The following INTS2 variants were observed in gnomAD, a reference collection of about 807,000 sequenced individuals.
INTS2 encodes integrator complex subunit 2.
In INTS2, 57 loss-of-function variants were observed where a neutral mutation model predicts 139.6. The observed-to-expected ratio is 0.41, with a 90% CI of 0.33 to 0.51. The LOEUF is 0.51. Among genes scored for constraint, INTS2 ranks in the 20% least tolerant of loss-of-function variants. INTS2 has a pLI of 0.28. For synonymous variants in INTS2, 473 were observed against 493.4 expected, an observed-to-expected ratio of 0.96 and a Z score of 0.55; for missense variants, 1,196 against 1,436.7, an observed-to-expected ratio of 0.83 and a Z score of 2.71.
chr17:61,879,099 T>TTTTTC (rs2079154410), intron 17 of INTS2, among the ~76,000 whole-genome samples: 1 of 137,304 alleles, frequency 7.3e-6, no homozygotes, highest in Non-Finnish European at 1.5e-5. Context: ...TTTTTTTTTT[T>TTTTTC]TCCCTCTTGC....
Position 61,893,785 on chromosome 17 carries a change from T to A in INTS2, c.1678A>T (p.Lys560Ter), listed in dbSNP as rs1390153131. Residue 560 changes from lysine to a stop codon, truncating the protein, a stop_gained, in exon 13 of 25, where the codon AAG becomes TAG. Transcript: ENST00000251334. LOFTEE classifies it high-confidence loss of function. This position sits in a 1 kb window ranked among gnomAD's most constrained non-coding sequence, Gnocchi z 5.4. ...YQLLRSRSFT[K>*]HKVSIKDWIY... ...CATACTTTTATTGACACTTTGTGCT[T>A]GGTAAAGGAACGGCTCCTGAGAAGC... 2 of 1,588,622 alleles carry A rather than the reference T, an allele frequency of 1.3e-6. No homozygotes were observed. The highest frequency in any genetic ancestry group is 3.5e-5 in the Admixed American group (2 of 57,868).
In INTS2 at chr17:61,909,159, T is replaced by C. The variant is rs1200195213; in HGVS notation, c.955-1525A>G. 6.6e-6 allele frequency among the ~76,000 whole-genome samples: 1 copy of C among 152,190 alleles called. No homozygotes were observed. Among genetic ancestry groups the C allele is most frequent in the African/African-American group, 2.4e-5 (1 of 41,454 alleles). Reference sequence around the variant, plus strand: ...ACCGAGTCCTGCTCTGTCACCAGGCTGGAGTGCAGTGGCGTGATCTCGGCT... The same window carrying C: ...ACCGAGTCCTGCTCTGTCACCAGGCCGGAGTGCAGTGGCGTGATCTCGGCT... On this transcript the variant is annotated intron_variant, in intron 7 of 24. Coordinates refer to ENST00000251334, the MANE Select transcript of INTS2 (RefSeq NM_001351695.2). This position sits in a 1 kb window ranked among gnomAD's most constrained non-coding sequence, Gnocchi z 4.9.
Position 61,893,992 on chromosome 17 carries a change from A to C in INTS2, c.1564-93T>G. 1.4e-6 allele frequency: 1 copy of C among 710,188 alleles called. No individual in the cohort carries two copies. The highest frequency in any genetic ancestry group is 2.9e-5 in the South Asian group (1 of 34,314). The allele number at this position is 710,188 out of a possible 1,614,324, so 44.0% of individuals were successfully genotyped here. ...AGTAAGTAGACTGTCAACACCTAAT[A>C]CAAGTGTGGTCCCTAGAAATGAATG... On this transcript the variant is annotated intron_variant, in intron 12 of 24. Coordinates refer to ENST00000251334, the MANE Select transcript of INTS2 (RefSeq NM_001351695.2). This position sits in a 1 kb window ranked among gnomAD's most constrained non-coding sequence, Gnocchi z 5.4.
chr17:61,927,414 GA>G, intron 1 of INTS2: 1 of 161,696 alleles, frequency 6.2e-6, no homozygotes, highest in South Asian at 1.6e-4. Context: ...TCTCAAGGCC[GA>G]CCGACTAGCA....
chr17:61,869,780 A>G lies in INTS2; in HGVS notation c.2987T>C (p.Met996Thr), dbSNP rs766113135. 3.7e-6 allele frequency: 6 copies of G among 1,613,780 alleles called. No homozygotes were observed. The Admixed American group carries it at 8.3e-5, about 22-fold the overall frequency. ...QCLICCLLHQ[M>T]YIADPNIAKL... ...AGCAATGTTGGGATCTGCAATGTAC[A>G]TTTGGTGCAAGAGACAACAGATAAG... The change falls in exon 21 of 25, where the codon ATG becomes ACG. Residue 996 changes from methionine (M) to threonine (T), a missense_variant. Met to Thr is a moderately conservative substitution (Grantham distance 81). Around this residue, in one of 3 missense-constraint regions of INTS2, gnomAD observed 1,129 missense variants for 1,341.9 expected, o/e 0.84. Coordinates refer to ENST00000251334, the MANE Select transcript of INTS2 (RefSeq NM_001351695.2). This position sits in a 1 kb window ranked among gnomAD's most constrained non-coding sequence, Gnocchi z 5.4.
At chr17:61,922,333 T>C (rs1603384313) in intron 3 of INTS2, among the ~76,000 whole-genome samples, 1 of 142,018 alleles carries the variant, frequency 7.0e-6, no homozygotes, top group African/African-American at 3.0e-5. Flanking sequence ...TAGCCAAGCA[T>C]GGTGGCCATC....
intron 16 of INTS2, among the ~76,000 whole-genome samples, chr17:61,883,164 TA>T (rs1423940582): frequency 2.0e-5 from 3 of 152,188 alleles, no homozygotes; most frequent in Admixed American, 1.3e-4. Flanking sequence ...CTCTTTTCAA[TA>T]AAGTATATCA....
intron 7 of INTS2, chr17:61,910,709 T>C (rs2079517943): frequency 6.6e-6 from 1 of 152,168 alleles, no homozygotes; most frequent in African/African-American, 2.4e-5. Context: ...AAATTTTATG[T>C]TATGTATATT....
chr17:61,884,917 C>T lies in INTS2; in HGVS notation c.2073G>A (p.Leu691=). ...AAAACATACCTCCCAACTCCTGCTG[C>T]AGCCCTTGAGCCTGTCGAATAAGGA... ...IKFLIRQAQG[L]QQELGGLHSA... The change falls in exon 16 of 25, where the codon CTG becomes CTA. Residue 691 remains leucine (L), a synonymous_variant. Transcript: ENST00000251334. 6.2e-7 allele frequency: 1 copy of T among 1,603,774 alleles called. No homozygotes were observed. Among genetic ancestry groups the T allele is most frequent in the Non-Finnish European group, 8.5e-7 (1 of 1,173,882 alleles).
intron 7 of INTS2, chr17:61,910,643 CACTG>C (rs2079517360): frequency 6.7e-6 from 1 of 150,296 alleles, no homozygotes; most frequent in Non-Finnish European, 1.5e-5. Context: ...AATGGTTGCA[CACTG>C]TAAATATACT....
intron 17 of INTS2, among the ~76,000 whole-genome samples, chr17:61,878,874 G>C (rs2079149087): frequency 1.5e-5 from 2 of 130,640 alleles, no homozygotes; most frequent in South Asian, 4.7e-4. Context: ...AGTTTGCAGT[G>C]AGCTGTGTTC....
In INTS2 at chr17:61,869,451, G is replaced by A; in HGVS notation, c.3031-71C>T. 8.7e-7 allele frequency: 1 copy of A among 1,143,772 alleles called. No homozygotes were observed. The highest frequency in any genetic ancestry group is 1.3e-6 in the Non-Finnish European group (1 of 792,634). 70.9% of individuals were successfully genotyped at this position (1,143,772 alleles called of 1,614,324 possible). A position where few individuals can be genotyped will look rare whatever the true frequency, so the allele number is the denominator to read the frequency against. On this transcript the variant is annotated intron_variant, in intron 21 of 24. Coordinates refer to ENST00000251334, the MANE Select transcript of INTS2 (RefSeq NM_001351695.2). This position sits in a 1 kb window ranked among gnomAD's most constrained non-coding sequence, Gnocchi z 5.4. ...TAAAAGTACAGATAAAAATACAAAT[G>A]AAAGATTTCATTTCCTTTCTGTAAA...
chr17:61,879,854 A>C (rs1317839759), intron 17 of INTS2, among the ~76,000 whole-genome samples: 1 of 152,188 alleles, frequency 6.6e-6, no homozygotes, highest in Non-Finnish European at 1.5e-5. Context: ...AAAATAAAGA[A>C]AAGAAAAAAT....
intron 15 of INTS2, 67 bp from the exon 16 acceptor site, chr17:61,885,072 C>A: frequency 9.3e-7 from 1 of 1,071,586 alleles, no homozygotes; most frequent in Non-Finnish European, 1.4e-6. Context: ...AACCTTCAAC[C>A]CAAATGGAAA....
intron 5 of INTS2, among the ~76,000 whole-genome samples, chr17:61,917,294 CAA>C (rs2079592833): frequency 6.6e-6 from 1 of 152,228 alleles, no homozygotes; most frequent in Admixed American, 6.5e-5. Flanking sequence ...GATATATACT[CAA>C]AGGACAACAA....
intron 7 of INTS2, among the ~76,000 whole-genome samples, chr17:61,908,987 CAT>C (rs1255794059): frequency 1.3e-5 from 2 of 152,078 alleles, no homozygotes; most frequent in African/African-American, 2.4e-5. Flanking sequence ...ACTCTATTCA[CAT>C]AGTTAATATA....
intron 11 of INTS2, among the ~76,000 whole-genome samples, chr17:61,896,775 T>C (rs2145935910): frequency 6.6e-6 from 1 of 152,340 alleles, no homozygotes; most frequent in African/African-American, 2.4e-5. Flanking sequence ...TCAGTCATGT[T>C]GAAAGTTTAG....
intron 7 of INTS2, chr17:61,910,720 T>G (rs931163190): frequency 9.2e-5 from 14 of 152,188 alleles, no homozygotes; most frequent in Non-Finnish European, 1.8e-4. Context: ...TATGTATATT[T>G]TACCATAATA....
At chr17:61,899,641 T>C (rs145389436) in intron 9 of INTS2, among the ~76,000 whole-genome samples, 17 of 152,156 alleles carry the variant, frequency 1.1e-4, no homozygotes, top group Non-Finnish European at 1.9e-4. Context: ...CTGGGCACAG[T>C]GGCTCTTGCC....
Sources: gnomAD v4.1 joint callset for allele counts (sites outside exome capture counted in the v4.1 genomes callset) on GRCh38, gnomAD v4.1.1 for gene constraint, gnomAD v4.1.1 regional missense constraint, Gnocchi (gnomAD v3.1) non-coding constraint, MANE v1.5 for transcripts, NCBI Gene and HGNC (gene_info 2026-07-23, HGNC 2026-07-21) for gene names.